KIAA1958: variants seen among roughly 807,000 people sequenced by gnomAD.
KIAA1958 encodes KIAA1958.
A neutral mutation model predicts 47.2 loss-of-function variants in KIAA1958; 14 were observed. That is an observed-to-expected ratio of 0.30 (90% CI 0.20 to 0.46). KIAA1958 has a LOEUF of 0.46. KIAA1958 is among the 20% of genes least tolerant of loss of function. KIAA1958 has a pLI of 1.00. For missense variants in KIAA1958, 803 were observed against 909.2 expected (o/e 0.88, Z 1.50); for synonymous variants, 354 against 353.3 (o/e 1.00, Z -0.02).
At chr9:112,564,236 A>G (rs1406781208) in intron 1 of KIAA1958, among the ~76,000 whole-genome samples, 1 of 152,200 alleles carries the variant, frequency 6.6e-6, no homozygotes, top group Non-Finnish European at 1.5e-5. Context: ...AATATTTGAT[A>G]GAATTTACCA....
At chr9:112,575,273 T>G (rs763225326) in intron 2 of KIAA1958, 22 bp downstream of exon 2, 1 of 1,463,666 alleles carries the variant, frequency 6.8e-7, no homozygotes, top group East Asian at 2.3e-5. Context: ...GAGGCGACAG[T>G]GAGTCCCTCA....
At chr9:112,577,544 T>C (rs560645611) in intron 2 of KIAA1958, among the ~76,000 whole-genome samples, 2 of 151,062 alleles carry the variant, frequency 1.3e-5, no homozygotes, top group African/African-American at 4.9e-5. Context: ...TTTTTTTTTT[T>C]CATTTAAATA....
chr9:112,639,133 G>A (rs1477250151), intron 2 of KIAA1958, among the ~76,000 whole-genome samples: 1 of 152,146 alleles, frequency 6.6e-6, no homozygotes, highest in African/African-American at 2.4e-5. Context: ...TAACCCTGAT[G>A]CATTCTTTCC....
intron 1 of KIAA1958, among the ~76,000 whole-genome samples, chr9:112,558,867 T>C (rs1261851338): frequency 1.3e-5 from 2 of 152,196 alleles, no homozygotes; most frequent in Admixed American, 1.3e-4. Context: ...AGTGAAGATA[T>C]AAGAATTAAT....
At chr9:112,592,676 T>C (rs1002506208) in intron 2 of KIAA1958, among the ~76,000 whole-genome samples, 1 of 152,228 alleles carries the variant, frequency 6.6e-6, no homozygotes, top group African/African-American at 2.4e-5. Flanking sequence ...TTATTTGTCA[T>C]CCTGGTTCAG....
At chr9:112,593,427 G>A (rs1835959328) in intron 2 of KIAA1958, among the ~76,000 whole-genome samples, 2 of 152,144 alleles carry the variant, frequency 1.3e-5, no homozygotes, top group African/African-American at 4.8e-5. Context: ...AACAGCAGCT[G>A]GACCACATGC....
At chr9:112,650,800 T>C (rs1837044824) in intron 3 of KIAA1958, among the ~76,000 whole-genome samples, 1 of 152,202 alleles carries the variant, frequency 6.6e-6, no homozygotes, top group East Asian at 1.9e-4. Context: ...CACATCTGGC[T>C]TTAAATATAA....
intron 1 of KIAA1958, among the ~76,000 whole-genome samples, chr9:112,570,988 G>A (rs1022921852): frequency 1.3e-5 from 2 of 152,170 alleles, no homozygotes; most frequent in Non-Finnish European, 2.9e-5. Flanking sequence ...GATGTCCAAG[G>A]CAGCGAAAAA....
intron 2 of KIAA1958, among the ~76,000 whole-genome samples, chr9:112,607,944 C>T (rs1836265494): frequency 6.6e-6 from 1 of 151,950 alleles, no homozygotes; most frequent in African/African-American, 2.4e-5. Context: ...GTTATAAAAG[C>T]AATAAAAGTG....
intron 1 of KIAA1958, among the ~76,000 whole-genome samples, chr9:112,508,148 C>G (rs1834262591): frequency 2.0e-5 from 3 of 152,088 alleles, no homozygotes; most frequent in Admixed American, 2.0e-4. Flanking sequence ...GAATAGAAAC[C>G]TTAAAGGCTT....
intron 2 of KIAA1958, among the ~76,000 whole-genome samples, chr9:112,635,214 T>TTGTGTGTG (rs71999105): frequency 0.017 from 2,279 of 130,344 alleles, 73 homozygotes; most frequent in African/African-American, 0.055. Context: ...ATTCTTTATT[T>TTGTGTGTG]TGTGTGTGTG....
chr9:112,527,799 T>C (rs1834683787), intron 1 of KIAA1958, among the ~76,000 whole-genome samples: 1 of 151,846 alleles, frequency 6.6e-6, no homozygotes, highest in Non-Finnish European at 1.5e-5. Context: ...TAGCCCGGCA[T>C]GGTGGTGCGT....
chr9:112,655,744 G>A (rs1015465096), intron 3 of KIAA1958, among the ~76,000 whole-genome samples: 4 of 152,214 alleles, frequency 2.6e-5, no homozygotes, highest in Non-Finnish European at 4.4e-5. Flanking sequence ...CAAGGTCTCT[G>A]TGTCTTGTTT....
chr9:112,573,647 T>G (rs932421750), intron 1 of KIAA1958, among the ~76,000 whole-genome samples: 3 of 152,334 alleles, frequency 2.0e-5, no homozygotes, highest in Non-Finnish European at 4.4e-5. Flanking sequence ...AGCTGCATCC[T>G]CTTGGTTAAT....
Position 112,669,367 on chromosome 9 carries a change from A to C in KIAA1958, c.*9298A>C, listed in dbSNP as rs1837392288. 1 of 152,236 alleles carries C rather than the reference A, an allele frequency of 6.6e-6. No individual in the cohort carries two copies. Among genetic ancestry groups the C allele is most frequent in the African/African-American group, 2.4e-5 (1 of 41,464 alleles). 9.4% of individuals were successfully genotyped at this position (152,236 alleles called of 1,614,324 possible). On this transcript the variant is annotated 3_prime_UTR_variant, in exon 4 of 4. Transcript: ENST00000337530. ...TATGCAGCTTGACTGTTCAACCCAG[A>C]TTTTTAAACAATAAAAAGATTTAAT...
Position 112,576,536 on chromosome 9 carries a change from C to G in KIAA1958, c.1171+1285C>G, listed in dbSNP as rs530645422. Among the ~76,000 whole-genome samples the G allele has an allele frequency of 2.0e-5, 3 of 152,282 alleles. No homozygotes were observed. The East Asian group carries it at 5.8e-4, about 29-fold the overall frequency. ...TTTCCCTCCTCTTAGTTCCTGGCAA[C>G]TGCTAATCTGCTTTCTGTCTATGGA... On this transcript the variant is annotated intron_variant, in intron 2 of 3. Transcript: ENST00000337530.
intron 1 of KIAA1958, among the ~76,000 whole-genome samples, chr9:112,536,368 T>C (rs1445556820): frequency 6.6e-6 from 1 of 152,228 alleles, no homozygotes; most frequent in East Asian, 1.9e-4. Context: ...GCCTATAGAA[T>C]ACTCAGCAGA....
intron 2 of KIAA1958, among the ~76,000 whole-genome samples, chr9:112,599,822 G>A (rs1377088825): frequency 1.3e-5 from 2 of 152,158 alleles, no homozygotes; most frequent in African/African-American, 4.8e-5. Context: ...TATTATACCA[G>A]CAGCAGATAT....
intron 1 of KIAA1958, among the ~76,000 whole-genome samples, chr9:112,526,898 A>G (rs1834667477): frequency 6.6e-6 from 1 of 152,206 alleles, no homozygotes; most frequent in Non-Finnish European, 1.5e-5. Flanking sequence ...TAAGAAAGAA[A>G]TCCTCTCTGG....
Sources: allele counts gnomAD v4.1 joint callset (sites outside exome capture counted in the v4.1 genomes callset), GRCh38; gene constraint gnomAD v4.1.1; transcripts MANE v1.5; gene names NCBI Gene and HGNC (gene_info 2026-07-23, HGNC 2026-07-21).